The following RNF115 variants were observed in gnomAD, a reference collection of about 807,000 sequenced individuals.
The protein encoded by RNF115 is ring finger protein 115.
RNF115 carries 31 observed loss-of-function variants against 39.2 expected under a neutral mutation model. The observed-to-expected ratio is 0.79, with a 90% CI of 0.59 to 1.07. RNF115 has a LOEUF of 1.07. RNF115 is among the 50% of genes least tolerant of loss of function. RNF115 has a pLI of 0.00. For missense variants in RNF115, 384 were observed against 381.7 expected (o/e 1.01, Z -0.05); for synonymous variants, 124 against 131.0 (o/e 0.95, Z 0.37).
Position 145,799,072 on chromosome 1 carries a change from C to CT in RNF115, c.103-10107dup, listed in dbSNP as rs200462957. Among the ~76,000 whole-genome samples the CT allele has an allele frequency of 5.4e-3, 740 of 136,960 alleles. 4 individuals carry two copies. The highest frequency in any genetic ancestry group is 0.013 in the African/African-American group (481 of 37,768). The allele number at this position is 136,960 out of a possible 152,430, so 89.9% of individuals were successfully genotyped here. ...TTTTTTGTGGAATGTTTAGGGTTTT[C>CT]TTTTTTTTTTTTTTTAGATGGAGTG... On this transcript the variant is annotated intron_variant, in intron 1 of 8. Transcript: ENST00000582693.
chr1:145,793,470 G>T (rs1648774549), intron 1 of RNF115, among the ~76,000 whole-genome samples: 1 of 151,994 alleles, frequency 6.6e-6, no homozygotes, highest in Non-Finnish European at 1.5e-5. Flanking sequence ...CACAGTGCTA[G>T]GCCCTCTTTC....
intron 3 of RNF115, among the ~76,000 whole-genome samples, chr1:145,779,252 G>A (rs1316701967): frequency 6.6e-6 from 1 of 151,040 alleles, no homozygotes; most frequent in African/African-American, 2.4e-5. Context: ...TCAGCTCACT[G>A]CAACCTCTGC....
intron 4 of RNF115, among the ~76,000 whole-genome samples, chr1:145,766,678 C>A (rs1298159596): frequency 2.1e-5 from 3 of 139,900 alleles, no homozygotes; most frequent in African/African-American, 7.9e-5. Context: ...GGGGGCTGAC[C>A]CCCCCACCTC....
rs1213828613 is a variant in RNF115, at chr1:145,742,319, T to A, written c.*4547A>T. ...ATTATTCAATTTGGTGTCAATAATT[T>A]GTCAGAAAAATTAAAAAAAATCAAT... is the stretch of plus-strand genomic sequence containing the variant. On this transcript the variant is annotated 3_prime_UTR_variant, in exon 9 of 9. Transcript: ENST00000582693. 6.6e-6 allele frequency: 1 copy of A among 152,154 alleles called. No individual in the cohort carries two copies. Among genetic ancestry groups the A allele is most frequent in the African/African-American group, 2.4e-5 (1 of 41,422 alleles). 9.4% of individuals were successfully genotyped at this position (152,154 alleles called of 1,614,324 possible).
At chr1:145,762,083 C>T (rs957385396) in intron 4 of RNF115, among the ~76,000 whole-genome samples, 34 of 152,202 alleles carry the variant, frequency 2.2e-4, no homozygotes, top group African/African-American at 7.5e-4. Context: ...GCCGTATTTA[C>T]GAAATACCTG....
chr1:145,773,747 T>C (rs1425282193), intron 3 of RNF115: 1 of 152,068 alleles, frequency 6.6e-6, no homozygotes, highest in Non-Finnish European at 1.5e-5. Context: ...AAACTCACTC[T>C]ACAGCTTTTC....
intron 1 of RNF115, among the ~76,000 whole-genome samples, chr1:145,801,016 T>A (rs1649218115): frequency 6.6e-6 from 1 of 151,534 alleles, no homozygotes; most frequent in South Asian, 2.1e-4. Context: ...TAAAAATACA[T>A]AAAAATTAGC....
chr1:145,794,658 T>A (rs1048660015), intron 1 of RNF115, among the ~76,000 whole-genome samples: 46 of 151,696 alleles, frequency 3.0e-4, no homozygotes, highest in African/African-American at 1.1e-3. Flanking sequence ...TTCCCGTGGG[T>A]TCTTGGTCTC....
At position 145,794,286 on chromosome 1, in the gene RNF115, CTTAAAG is replaced by C. The variant is rs377714759; in HGVS notation, c.103-5326_103-5321del. Among the ~76,000 whole-genome samples the C allele has an allele frequency of 8.4e-4, 128 of 152,196 alleles. 1 individual carries two copies. The highest frequency in any genetic ancestry group is 2.5e-3 in the African/African-American group (105 of 41,532). On this transcript the variant is annotated intron_variant, in intron 1 of 8. Transcript: ENST00000582693. ...AATATTTCAATTATTTACAAAAACA[CTTAAAG>C]TTAAATTCTTTAACATGATTTACAA...
At chr1:145,783,220 A>G (rs896371339) in intron 3 of RNF115, among the ~76,000 whole-genome samples, 3 of 152,218 alleles carry the variant, frequency 2.0e-5, no homozygotes, top group Non-Finnish European at 2.9e-5. Context: ...TAAAAATGCA[A>G]GTTCAAAACA....
rs115917888 is a variant in RNF115 at position 145,750,376 on chromosome 1, G to A, written c.667+31C>T. On this transcript the variant is annotated intron_variant, in intron 7 of 8. Coordinates refer to ENST00000582693, the MANE Select transcript of RNF115 (RefSeq NM_014455.4). ...CCGGGATTTTGAACCGAGATCAGAA[G>A]ATGACAGAATAAGTATAAAAATGAA... The A allele has an allele frequency of 2.0e-6, 3 of 1,506,390 alleles. No homozygotes were observed. The African/African-American group carries it at 4.1e-5, about 21-fold the overall frequency. 93.3% of individuals were successfully genotyped at this position (1,506,390 alleles called of 1,614,324 possible). A position where few individuals can be genotyped will look rare whatever the true frequency, so the allele number is the denominator to read the frequency against.
chr1:145,766,881 G>A (rs1296517747), intron 4 of RNF115, among the ~76,000 whole-genome samples: 10 of 72,866 alleles, frequency 1.4e-4, no homozygotes, highest in African/African-American at 5.5e-4. Flanking sequence ...CCCAGTAGGG[G>A]CGGCCAGGCA....
At chr1:145,800,445 A>C (rs587652126) in intron 1 of RNF115, among the ~76,000 whole-genome samples, 11 of 152,274 alleles carry the variant, frequency 7.2e-5, no homozygotes, top group African/African-American at 2.6e-4. Flanking sequence ...AAAGACATGC[A>C]GTTTATTTCT....
chr1:145,741,975 G>A lies in RNF115; in HGVS notation c.*4891C>T, dbSNP rs1657704304. ...AATACAAAAATTAGCTGGGCATGGT[G>A]GCACGTGCCTGTAATCCCAGCTACT... On this transcript the variant is annotated 3_prime_UTR_variant, in exon 9 of 9. Coordinates refer to ENST00000582693, the MANE Select transcript of RNF115 (RefSeq NM_014455.4). The A allele has an allele frequency of 6.6e-6, 1 of 152,304 alleles. No homozygotes were observed. The highest frequency in any genetic ancestry group is 1.5e-5 in the Non-Finnish European group (1 of 68,168). 9.4% of individuals were successfully genotyped at this position (152,304 alleles called of 1,614,324 possible).
intron 1 of RNF115, among the ~76,000 whole-genome samples, chr1:145,816,942 AT>A (rs782234487): frequency 1.3e-5 from 1 of 78,160 alleles, no homozygotes; most frequent in East Asian, 3.7e-4. Context: ...GCTAATTTTT[AT>A]TTTTTTTGTT....
At chr1:145,784,664 T>C (rs782224017) in intron 2 of RNF115, 68 bp from the exon 3 acceptor site, 16 of 1,349,236 alleles carry the variant, frequency 1.2e-5, no homozygotes, top group Admixed American at 8.5e-5. Context: ...AAGCTAAATA[T>C]AGAATGGCAT....
chr1:145,800,304 A>T (rs1241990390), intron 1 of RNF115, among the ~76,000 whole-genome samples: 1 of 152,186 alleles, frequency 6.6e-6, no homozygotes, highest in Non-Finnish European at 1.5e-5. Flanking sequence ...TCTGTGAGGT[A>T]AATATTGTTA....
At chr1:145,763,954 C>T (rs1658639579) in intron 4 of RNF115, among the ~76,000 whole-genome samples, 1 of 146,832 alleles carries the variant, frequency 6.8e-6, no homozygotes, top group African/African-American at 2.6e-5. Flanking sequence ...TGGTCTCCCT[C>T]TGATGCCGAG....
At chr1:145,786,734 A>G (rs1223179365) in intron 2 of RNF115, among the ~76,000 whole-genome samples, 11 of 152,268 alleles carry the variant, frequency 7.2e-5, no homozygotes, top group Admixed American at 7.2e-4. Flanking sequence ...TCTTTTAATT[A>G]GCACATGCAG....
Sources: allele counts gnomAD v4.1 joint callset (sites outside exome capture counted in the v4.1 genomes callset), GRCh38; gene constraint gnomAD v4.1.1; transcripts MANE v1.5; gene names NCBI Gene and HGNC (gene_info 2026-07-23, HGNC 2026-07-21).